The following IL1RAPL1 variants were observed in gnomAD, a reference collection of about 807,000 sequenced individuals.
IL1RAPL1 encodes interleukin 1 receptor accessory protein like 1, also known as interleukin-1 receptor accessory protein-like 1.
A neutral mutation model predicts 48.4 loss-of-function variants in IL1RAPL1; 3 were observed. That is an observed-to-expected ratio of 0.06 (90% confidence interval 0.03 to 0.16). The LOEUF (loss-of-function observed/expected upper bound fraction) is 0.16, where lower values mean the gene tolerates loss of function less well. IL1RAPL1 is among the 10% of genes least tolerant of loss of function. IL1RAPL1 has a pLI of 1.00. For synonymous variants in IL1RAPL1, 185 were observed against 187.7 expected (o/e 0.99, Z 0.12); for missense variants, 349 against 530.6 (o/e 0.66, Z 3.36).
At chrX:28,862,087 A>T (rs771780804) in intron 2 of IL1RAPL1, among the ~76,000 whole-genome samples, 2 of 112,066 alleles carry the variant, frequency 1.8e-5, no homozygotes, top group South Asian at 3.7e-4. Context: ...ATAATTTTAG[A>T]TAATTTATAT....
intron 1 of IL1RAPL1, among the ~76,000 whole-genome samples, chrX:28,734,644 C>G (rs778059941): frequency 3.6e-5 from 4 of 110,261 alleles, no homozygotes; most frequent in Non-Finnish European, 7.6e-5. Context: ...ATTTCTCCTA[C>G]CCTCCTCTAG....
chrX:29,732,294 C>A (rs1414766263), intron 6 of IL1RAPL1, among the ~76,000 whole-genome samples: 1 of 111,577 alleles, frequency 9.0e-6, no homozygotes, highest in Non-Finnish European at 1.9e-5. Flanking sequence ...CACTGTACCC[C>A]ACCCCCGCAC....
intron 1 of IL1RAPL1, among the ~76,000 whole-genome samples, chrX:28,621,461 T>G (rs1934284565): frequency 8.9e-6 from 1 of 112,132 alleles, no homozygotes; most frequent in African/African-American, 3.2e-5. Flanking sequence ...GCAATGCACC[T>G]TCCTCTTTCT....
intron 1 of IL1RAPL1, among the ~76,000 whole-genome samples, 178 bp downstream of exon 1, chrX:28,588,225 T>TGTGTGTGTGTATGTGTGTGTGC (rs1569133870): frequency 1.0e-4 from 11 of 106,388 alleles, no homozygotes; most frequent in Admixed American, 3.1e-4. Flanking sequence ...TGTGTGTGTG[T>TGTGTGTGTGTATGTGTGTGTGC]GTGTGTGTGT....
chrX:28,739,646 A>T (rs1935884734), intron 1 of IL1RAPL1, among the ~76,000 whole-genome samples: 1 of 110,898 alleles, frequency 9.0e-6, no homozygotes, highest in Admixed American at 9.6e-5. Context: ...ATCAATGTAC[A>T]CTCTGTGCAT....
intron 6 of IL1RAPL1, among the ~76,000 whole-genome samples, chrX:29,761,075 T>C (rs1250433615): frequency 8.9e-6 from 1 of 112,271 alleles, no homozygotes; most frequent in Non-Finnish European, 1.9e-5. Context: ...TGAAACAAGC[T>C]GTTTTATGTA....
chrX:29,190,759 G>C (rs1355622128), intron 2 of IL1RAPL1, among the ~76,000 whole-genome samples: 1 of 112,167 alleles, frequency 8.9e-6, no homozygotes, highest in Non-Finnish European at 1.9e-5. Flanking sequence ...ACTGTTTATG[G>C]CTTATGCCAA....
intron 5 of IL1RAPL1, among the ~76,000 whole-genome samples, chrX:29,541,372 C>T (rs949115583): frequency 9.0e-6 from 1 of 111,471 alleles, no homozygotes; most frequent in East Asian, 2.8e-4. Flanking sequence ...AGTGCTTTGA[C>T]GGTTTCTCAA....
intron 1 of IL1RAPL1, among the ~76,000 whole-genome samples, chrX:28,787,397 G>T (rs949375205): frequency 9.0e-6 from 1 of 111,117 alleles, no homozygotes; most frequent in Non-Finnish European, 1.9e-5. Context: ...ATGGTATTCG[G>T]GTTTTAGGAA....
chrX:29,589,670 T>C (rs1017583207), intron 5 of IL1RAPL1, among the ~76,000 whole-genome samples: 9 of 111,472 alleles, frequency 8.1e-5, no homozygotes, highest in African/African-American at 2.9e-4. Context: ...AACTGTGCTA[T>C]TATATATTAA....
intron 2 of IL1RAPL1, among the ~76,000 whole-genome samples, chrX:29,219,458 G>A (rs746141043): frequency 9.0e-6 from 1 of 110,676 alleles, no homozygotes; most frequent in South Asian, 3.8e-4. Context: ...GAAGGAGAAG[G>A]ATAAATTATT....
At position 29,493,715 on chromosome X, in the gene IL1RAPL1, G is replaced by T. The variant is rs188716152; in HGVS notation, c.703+94407G>T. Among the ~76,000 whole-genome samples, 3 of 111,282 alleles carry T rather than the reference G, an allele frequency of 2.7e-5. No homozygotes were observed. In the South Asian group the frequency reaches 1.1e-3, roughly 42 times the overall value. ...TTTAGAGTCAGGGGATACATGTGCAGGTTTGTTACATGGGTATATTGCATA... is the reference window on the plus strand; with the variant it reads ...TTTAGAGTCAGGGGATACATGTGCATGTTTGTTACATGGGTATATTGCATA... On this transcript the variant is annotated intron_variant, in intron 5 of 10. Transcript: ENST00000378993.
Position 29,315,956 on chromosome X carries a change from G to GT in IL1RAPL1, c.362+32740dup, listed in dbSNP as rs1356602827. Among the ~76,000 whole-genome samples the GT allele has an allele frequency of 2.7e-5, 3 of 111,779 alleles. No homozygotes were observed. In the Admixed American group the frequency reaches 2.9e-4, roughly 11 times the overall value. On this transcript the variant is annotated intron_variant, in intron 3 of 10. Coordinates refer to ENST00000378993, the MANE Select transcript of IL1RAPL1 (RefSeq NM_014271.4). ...GAGCTCAAAGAACAATCCAAAGGTT[G>GT]TAACTATAGGGGCAGGAGCAGTAGG...
intron 1 of IL1RAPL1, among the ~76,000 whole-genome samples, chrX:28,744,215 C>G (rs1043166003): frequency 9.0e-6 from 1 of 111,213 alleles, no homozygotes; most frequent in Non-Finnish European, 1.9e-5. Flanking sequence ...TCTTTCCATG[C>G]ACCTATGACG....
intron 1 of IL1RAPL1, among the ~76,000 whole-genome samples, chrX:28,709,289 A>G (rs1935412886): frequency 2.7e-5 from 3 of 112,535 alleles, no homozygotes; most frequent in African/African-American, 9.7e-5. Flanking sequence ...AATGTTCCAC[A>G]TATTATATAA....
intron 5 of IL1RAPL1, among the ~76,000 whole-genome samples, chrX:29,571,138 C>T (rs1328166712): frequency 9.0e-6 from 1 of 110,856 alleles, no homozygotes; most frequent in Non-Finnish European, 1.9e-5. Context: ...AGGAGAATGG[C>T]GTGAACCCAG....
At chrX:29,604,385 T>C (rs1291221033) in intron 5 of IL1RAPL1, among the ~76,000 whole-genome samples, 1 of 112,517 alleles carries the variant, frequency 8.9e-6, no homozygotes, top group African/African-American at 3.2e-5. Context: ...TGGATTTGAC[T>C]TGTGTGCCTC....
At chrX:28,923,884 G>A (rs1174967663) in intron 2 of IL1RAPL1, among the ~76,000 whole-genome samples, 1 of 111,626 alleles carries the variant, frequency 9.0e-6, no homozygotes, top group Non-Finnish European at 1.9e-5. Flanking sequence ...CATCTTCAAA[G>A]CATGTAATAA....
chrX:29,566,742 A>G (rs1922419578), intron 5 of IL1RAPL1, among the ~76,000 whole-genome samples: 1 of 112,506 alleles, frequency 8.9e-6, no homozygotes, highest in Non-Finnish European at 1.9e-5. Context: ...TTAATTCTGG[A>G]AGCTAGCAAT....
Sources: gnomAD v4.1 joint callset for allele counts (sites outside exome capture counted in the v4.1 genomes callset) on GRCh38, gnomAD v4.1.1 for gene constraint, MANE v1.5 for transcripts, NCBI Gene and HGNC (gene_info 2026-07-23, HGNC 2026-07-21) for gene names.